Variants in ACYP2 observed in about 807,000 individuals in gnomAD.
The protein encoded by ACYP2 is acylphosphatase-2.
ACYP2 carries 12 observed loss-of-function variants against 11.2 expected under a neutral mutation model. The observed-to-expected ratio is 1.08, with a 90% confidence interval of 0.69 to 1.74. The LOEUF (loss-of-function observed/expected upper bound fraction) is 1.74. ACYP2 is among the 40% of genes most tolerant of loss of function. The pLI is 0.00. For synonymous variants in ACYP2, 43 were observed against 32.2 expected (o/e 1.33, Z -1.13); for missense variants, 134 against 101.9 (o/e 1.31, Z -1.35).
intron 4 of ACYP2, among the ~76,000 whole-genome samples, chr2:54,133,133 C>A (rs1007559069): frequency 1.3e-5 from 2 of 152,164 alleles, no homozygotes; most frequent in African/African-American, 4.8e-5. Flanking sequence ...TTCTTCACCC[C>A]CCATTGTAGC....
At chr2:54,158,145 C>T (rs186919491) in intron 6 of ACYP2, among the ~76,000 whole-genome samples, 176 of 151,848 alleles carry the variant, frequency 1.2e-3, no homozygotes, top group African/African-American at 4.1e-3. Flanking sequence ...CCTGCTTCAG[C>T]CTCCCAAGTA....
rs371910197 is a variant in ACYP2 at position 54,224,854 on chromosome 2, A to G, written c.405-79834A>G. Among the ~76,000 whole-genome samples, 144 of 152,348 alleles carry G rather than the reference A, an allele frequency of 9.5e-4. 1 individual carries two copies. The highest frequency in any genetic ancestry group is 2.7e-3 in the African/African-American group (112 of 41,580). On this transcript the variant is annotated intron_variant, in intron 6 of 6. Transcript: ENST00000607452. ...GTTGTAAGGTTTAGATGAAAGAAAT[A>G]TACATGAAAGTACTTTGTAACGTAC...
At chr2:53,994,512 CAGA>C (rs1239092613) in intron 2 of ACYP2, among the ~76,000 whole-genome samples, 13 of 30,492 alleles carry the variant, frequency 4.3e-4, no homozygotes, top group Admixed American at 8.4e-4. Flanking sequence ...GAGTAAGACT[CAGA>C]AAAAAAAAAA....
At chr2:54,096,118 G>T (rs1289759002) in intron 4 of ACYP2, among the ~76,000 whole-genome samples, 1 of 144,108 alleles carries the variant, frequency 6.9e-6, no homozygotes, top group Non-Finnish European at 1.5e-5. Flanking sequence ...TTCCCAGACG[G>T]GGTGGCTGCT....
intron 6 of ACYP2, among the ~76,000 whole-genome samples, chr2:54,264,547 G>A (rs1002740821): frequency 1.3e-5 from 2 of 152,214 alleles, no homozygotes; most frequent in Admixed American, 6.5e-5. Context: ...CGGAAGCCAG[G>A]CAGACAGTGC....
intron 6 of ACYP2, among the ~76,000 whole-genome samples, chr2:54,292,413 A>G (rs188643591): frequency 5.9e-5 from 9 of 152,332 alleles, no homozygotes; most frequent in Non-Finnish European, 8.8e-5. Context: ...AAGTATGTAA[A>G]AAGATCTCAT....
At chr2:54,134,138 A>G (rs77908001) in intron 4 of ACYP2, among the ~76,000 whole-genome samples, 2 of 152,118 alleles carry the variant, frequency 1.3e-5, no homozygotes, top group Non-Finnish European at 2.9e-5. Context: ...ATTAGTACTT[A>G]GGCTTCAGAG....
chr2:54,025,615 A>G (rs1038476324), intron 2 of ACYP2, among the ~76,000 whole-genome samples: 1 of 152,224 alleles, frequency 6.6e-6, no homozygotes, highest in African/African-American at 2.4e-5. Context: ...ACCTGAAACC[A>G]TAAAAATTCT....
rs796808093 is a variant in ACYP2 at position 54,089,240 on chromosome 2, A to C, written c.277+31880A>C. Among the ~76,000 whole-genome samples the C allele has an allele frequency of 3.9e-5, 6 of 152,346 alleles. 1 individual carries two copies. The highest frequency in any genetic ancestry group is 1.4e-4 in the African/African-American group (6 of 41,580). Reference sequence around the variant, plus strand: ...ACACTAAGCAGTCAATGAACCTTGAATAACAAATACTAATTGAATCAATGT... The same window carrying C: ...ACACTAAGCAGTCAATGAACCTTGACTAACAAATACTAATTGAATCAATGT... On this transcript the variant is annotated intron_variant, in intron 4 of 6. Coordinates refer to ENST00000607452, the MANE Select transcript of ACYP2 (RefSeq NM_001320586.2).
intron 6 of ACYP2, among the ~76,000 whole-genome samples, chr2:54,270,393 C>T (rs1688233590): frequency 6.6e-6 from 1 of 152,114 alleles, no homozygotes; most frequent in Admixed American, 6.6e-5. Context: ...ACCATAAGTG[C>T]TAATTTAAAT....
At chr2:54,273,335 T>C (rs1479974424) in intron 6 of ACYP2, among the ~76,000 whole-genome samples, 2 of 152,210 alleles carry the variant, frequency 1.3e-5, no homozygotes, top group African/African-American at 4.8e-5. Flanking sequence ...ATTAATTGAG[T>C]GTTCTTTGTT....
chr2:54,208,720 G>A (rs1685199749), intron 6 of ACYP2, among the ~76,000 whole-genome samples: 1 of 151,556 alleles, frequency 6.6e-6, no homozygotes, highest in South Asian at 2.1e-4. Flanking sequence ...TTTTTTCAGG[G>A]CTAAGTATAG....
chr2:54,033,850 T>C (rs1336091136), intron 2 of ACYP2, among the ~76,000 whole-genome samples: 3 of 152,210 alleles, frequency 2.0e-5, no homozygotes, highest in African/African-American at 4.8e-5. Context: ...ATAATGATTT[T>C]TTCTCCCTAG....
chr2:53,987,398 A>G (rs1030817499), intron 2 of ACYP2, among the ~76,000 whole-genome samples: 2 of 152,166 alleles, frequency 1.3e-5, no homozygotes, highest in South Asian at 2.1e-4. Flanking sequence ...ACTTCTTTAC[A>G]AAGTGTAGGC....
At chr2:54,096,775 T>C (rs958344334) in intron 4 of ACYP2, among the ~76,000 whole-genome samples, 4 of 151,934 alleles carry the variant, frequency 2.6e-5, no homozygotes, top group African/African-American at 4.8e-5. Context: ...TGAGCTGAGA[T>C]GGCAGCAGTA....
At chr2:54,129,363 G>C (rs1205886876) in intron 4 of ACYP2, among the ~76,000 whole-genome samples, 2 of 151,946 alleles carry the variant, frequency 1.3e-5, no homozygotes, top group Non-Finnish European at 2.9e-5. Flanking sequence ...GAACTCCTGG[G>C]CTCAATCAAT....
chr2:54,160,223 T>A (rs4553857), intron 6 of ACYP2, among the ~76,000 whole-genome samples: 12,328 of 152,168 alleles, frequency 0.081, 993 homozygotes, highest in African/African-American at 0.21. Flanking sequence ...CTTTCCCTCA[T>A]GGTTATAAGA....
chr2:54,226,267 A>C (rs1686007335), intron 6 of ACYP2, among the ~76,000 whole-genome samples: 1 of 152,208 alleles, frequency 6.6e-6, no homozygotes, highest in African/African-American at 2.4e-5. Flanking sequence ...CAAGTGAGTA[A>C]AAATGGACTC....
intron 4 of ACYP2, among the ~76,000 whole-genome samples, chr2:54,074,578 T>TG (rs1677226970): frequency 6.9e-6 from 1 of 145,950 alleles, no homozygotes; most frequent in Non-Finnish European, 1.5e-5. Context: ...AGAACAGAAT[T>TG]TGTGTGTGTG....
Sources: allele counts gnomAD v4.1 joint callset (sites outside exome capture counted in the v4.1 genomes callset), GRCh38; gene constraint gnomAD v4.1.1; transcripts MANE v1.5; gene names NCBI Gene and HGNC (gene_info 2026-07-23, HGNC 2026-07-21).